The following PTCHD4 variants were observed in gnomAD, a reference collection of about 807,000 sequenced individuals.
The protein encoded by PTCHD4 is patched domain containing 4, also known as patched domain-containing protein 4.
In PTCHD4, 33 loss-of-function variants were observed where a neutral mutation model predicts 58.1. That is an observed-to-expected ratio of 0.57 (90% CI 0.43 to 0.76). The LOEUF (loss-of-function observed/expected upper bound fraction) is 0.76. Among genes scored for constraint, PTCHD4 ranks in the 30% least tolerant of loss-of-function variants. The pLI, the probability that PTCHD4 is intolerant of heterozygous loss-of-function variation, is 0.00. For missense variants in PTCHD4, 1,058 were observed against 1,027.1 expected (o/e 1.03, Z -0.41); for synonymous variants, 478 against 409.6 (o/e 1.17, Z -2.02).
rs572576446 is a variant in PTCHD4, at chr6:48,009,246, G to A, written c.418-132C>T. The A allele has an allele frequency of 1.5e-3, 1,381 of 949,342 alleles. 32 individuals are homozygous for A. The South Asian group carries it at 0.026, about 18-fold the overall frequency. The allele number at this position is 949,342 out of a possible 1,614,324, so 58.8% of individuals were successfully genotyped here. A position where few individuals can be genotyped will look rare whatever the true frequency, so the allele number is the denominator to read the frequency against. ...ATTGTGAAACTGATGTGGGTGGAGA[G>A]GCAAGTTAGAATTTTATATTCAACA... is the stretch of plus-strand genomic sequence containing the variant. On this transcript the variant is annotated intron_variant, in intron 3 of 4. Coordinates refer to ENST00000339488, the MANE Select transcript of PTCHD4 (RefSeq NM_001384253.1).
chr6:47,898,763 G>C (rs946364576), intron 4 of PTCHD4, among the ~76,000 whole-genome samples: 3 of 152,204 alleles, frequency 2.0e-5, no homozygotes, highest in African/African-American at 4.8e-5. Flanking sequence ...TGCAAGAGGA[G>C]AGAGGTCATG....
At chr6:47,941,022 T>C (rs753719389) in intron 4 of PTCHD4, among the ~76,000 whole-genome samples, 35 of 152,260 alleles carry the variant, frequency 2.3e-4, no homozygotes, top group Middle Eastern at 3.4e-3. Flanking sequence ...ACAGCCACCA[T>C]ATCAATTGTT....
At chr6:48,029,206 C>A (rs1169499558) in intron 3 of PTCHD4, among the ~76,000 whole-genome samples, 2 of 152,054 alleles carry the variant, frequency 1.3e-5, no homozygotes, top group Admixed American at 6.6e-5. Context: ...AATTTTAAAT[C>A]TGTTGTCACT....
chr6:48,019,802 G>C (rs1763002417), intron 3 of PTCHD4, among the ~76,000 whole-genome samples: 1 of 152,090 alleles, frequency 6.6e-6, no homozygotes. Context: ...AGAGAGCACT[G>C]AGAAGGAATC....
At chr6:48,020,694 G>C (rs1333700460) in intron 3 of PTCHD4, among the ~76,000 whole-genome samples, 1 of 152,002 alleles carries the variant, frequency 6.6e-6, no homozygotes, top group East Asian at 1.9e-4. Context: ...AATGCTAAGA[G>C]AATAAAGCAG....
intron 4 of PTCHD4, among the ~76,000 whole-genome samples, chr6:47,898,111 A>AT (rs1232258533): frequency 5.6e-4 from 85 of 151,042 alleles, no homozygotes; most frequent in African/African-American, 2.0e-3. Context: ...CACCCGGCTA[A>AT]TTTTTTGTAT....
intron 1 of PTCHD4, among the ~76,000 whole-genome samples, chr6:48,080,055 G>A (rs1765135162): frequency 7.0e-6 from 1 of 142,556 alleles, no homozygotes; most frequent in Non-Finnish European, 1.5e-5. Flanking sequence ...CCTAACTGCT[G>A]GTGTAGCAGA....
At position 47,873,119 on chromosome 6, in the gene PTCHD4, T is replaced by G. The variant is rs1465396618; in HGVS notation, c.*5184A>C. 6.6e-6 allele frequency among the ~76,000 whole-genome samples: 1 copy of G among 151,644 alleles called. No homozygotes were observed. The highest frequency in any genetic ancestry group is 1.9e-4 in the East Asian group (1 of 5,144). On this transcript the variant is annotated 3_prime_UTR_variant, in exon 5 of 5. Transcript: ENST00000339488. ...GGGTCTACGGCTCTTCCTTTGTGCT[T>G]GGAAATTCAGGAGCACCTCCCACTG...
chr6:47,898,454 T>A (rs568076916), intron 4 of PTCHD4, among the ~76,000 whole-genome samples: 86 of 152,318 alleles, frequency 5.6e-4, no homozygotes, highest in African/African-American at 2.0e-3. Flanking sequence ...TCAAAACTGT[T>A]AAACATATAC....
chr6:47,916,009 G>A (rs923969246), intron 4 of PTCHD4, among the ~76,000 whole-genome samples: 21 of 152,116 alleles, frequency 1.4e-4, no homozygotes, highest in South Asian at 4.1e-4. Context: ...CATGGTGAGA[G>A]GTTTCTTGAG....
At chr6:47,893,346 C>G (rs1029572721) in intron 4 of PTCHD4, among the ~76,000 whole-genome samples, 3 of 152,098 alleles carry the variant, frequency 2.0e-5, no homozygotes, top group Admixed American at 2.0e-4. Flanking sequence ...ACTTTTGTTC[C>G]TCTTCTGTAT....
chr6:48,070,397 TA>T, intron 1 of PTCHD4, among the ~76,000 whole-genome samples: 1 of 152,292 alleles, frequency 6.6e-6, no homozygotes, highest in Non-Finnish European at 1.5e-5. Context: ...ATATACCTTT[TA>T]TTTTTTTCTA....
intron 4 of PTCHD4, among the ~76,000 whole-genome samples, chr6:48,000,090 C>A (rs975738812): frequency 2.0e-5 from 3 of 152,096 alleles, no homozygotes; most frequent in Non-Finnish European, 4.4e-5. Context: ...CCTGCATGGC[C>A]TTGAGCACAA....
intron 3 of PTCHD4, among the ~76,000 whole-genome samples, chr6:48,057,106 G>A (rs1482037489): frequency 1.3e-5 from 2 of 151,990 alleles, no homozygotes; most frequent in Non-Finnish European, 2.9e-5. Flanking sequence ...CCTTTCCTTA[G>A]CTGAAGCCAC....
chr6:47,926,768 T>C (rs1411207281), intron 4 of PTCHD4, among the ~76,000 whole-genome samples: 1 of 152,206 alleles, frequency 6.6e-6, no homozygotes, highest in Non-Finnish European at 1.5e-5. Context: ...CTCAGTTTTC[T>C]GATCTGTAAT....
chr6:48,110,540 G>A (rs1242396813), intron 1 of PTCHD4, among the ~76,000 whole-genome samples: 2 of 151,614 alleles, frequency 1.3e-5, no homozygotes, highest in Admixed American at 6.6e-5. Flanking sequence ...GGATGAATAA[G>A]TCTAGAGATC....
intron 1 of PTCHD4, among the ~76,000 whole-genome samples, chr6:48,075,633 A>G (rs1395305283): frequency 2.0e-5 from 3 of 152,232 alleles, no homozygotes; most frequent in African/African-American, 7.2e-5. Context: ...AACTATTGCA[A>G]TAAAGCAAGT....
chr6:48,050,045 C>T (rs1048046523), intron 3 of PTCHD4, among the ~76,000 whole-genome samples: 4 of 151,884 alleles, frequency 2.6e-5, no homozygotes, highest in African/African-American at 7.3e-5. Flanking sequence ...TAGGTATCAA[C>T]ATGGCTTATT....
At chr6:48,033,586 A>G (rs983341579) in intron 3 of PTCHD4, among the ~76,000 whole-genome samples, 2 of 151,898 alleles carry the variant, frequency 1.3e-5, no homozygotes, top group East Asian at 1.9e-4. Flanking sequence ...TTCACAGTGA[A>G]TCTAGGCATT....
Sources: allele counts gnomAD v4.1 joint callset (sites outside exome capture counted in the v4.1 genomes callset), GRCh38; gene constraint gnomAD v4.1.1; transcripts MANE v1.5; gene names NCBI Gene and HGNC (gene_info 2026-07-23, HGNC 2026-07-21).